Variants in ADAM32 observed in about 807,000 individuals in gnomAD.
ADAM32 encodes disintegrin and metalloproteinase domain-containing protein 32.
In ADAM32, 89 loss-of-function variants were observed where a neutral mutation model predicts 114.9. The ratio of observed to expected loss-of-function variants is 0.77; its 90% CI spans 0.65 to 0.92. ADAM32 has a LOEUF of 0.92. Ranked by LOEUF, ADAM32 falls within the 40% of genes least tolerant of loss-of-function variation. The pLI, the probability that ADAM32 is intolerant of heterozygous loss-of-function variation, is 0.00. For synonymous variants in ADAM32, 285 were observed against 307.5 expected, an observed-to-expected ratio of 0.93 and a Z score of 0.77; for missense variants, 870 against 932.8, an observed-to-expected ratio of 0.93 and a Z score of 0.88.
At chr8:39,229,270 A>C (rs1237671442) in intron 14 of ADAM32, among the ~76,000 whole-genome samples, 1 of 152,202 alleles carries the variant, frequency 6.6e-6, no homozygotes, top group Non-Finnish European at 1.5e-5. Flanking sequence ...ACAAAAATAT[A>C]AGTTAAAAAG....
At chr8:39,151,780 C>T (rs528481142) in intron 6 of ADAM32, among the ~76,000 whole-genome samples, 36 of 150,504 alleles carry the variant, frequency 2.4e-4, no homozygotes, top group African/African-American at 6.6e-4. Flanking sequence ...CCTCCCACCT[C>T]AATCTCCTGA....
chr8:39,283,445 A>C, intron 23 of ADAM32, 141 bp from the exon 24 acceptor site: 1 of 344,028 alleles, frequency 2.9e-6, no homozygotes, highest in Non-Finnish European at 5.3e-6. Context: ...AATGGAAAAG[A>C]GGTAGAAATT....
At chr8:39,226,466 C>T (rs184564174) in intron 14 of ADAM32, among the ~76,000 whole-genome samples, 1 of 151,478 alleles carries the variant, frequency 6.6e-6, no homozygotes, top group East Asian at 1.9e-4. Context: ...TTAATTTGAA[C>T]AAGACTACAC....
intron 17 of ADAM32, 87 bp downstream of exon 17, chr8:39,246,253 A>G: frequency 8.9e-7 from 1 of 1,122,804 alleles, no homozygotes; most frequent in Non-Finnish European, 1.3e-6. Context: ...TTGGGTCACT[A>G]CCATGTGACA....
intron 16 of ADAM32, among the ~76,000 whole-genome samples, chr8:39,242,995 CTATGAACACCTT>C (rs962532780): frequency 1.3e-5 from 2 of 152,090 alleles, no homozygotes; most frequent in Non-Finnish European, 2.9e-5. Context: ...TTGAAGGCTA[CTATGAACACCTT>C]TATGAACACA....
intron 2 of ADAM32, among the ~76,000 whole-genome samples, chr8:39,121,416 C>G (rs1840584069): frequency 6.6e-6 from 1 of 151,186 alleles, no homozygotes; most frequent in African/African-American, 2.4e-5. Flanking sequence ...CACATGGACA[C>G]AGGGAGGGGA....
intron 10 of ADAM32, among the ~76,000 whole-genome samples, chr8:39,173,405 C>T (rs902850398): frequency 5.9e-5 from 9 of 151,378 alleles, no homozygotes; most frequent in Non-Finnish European, 1.0e-4. Flanking sequence ...TTTTAATTTG[C>T]ATTTCTTTAA....
At chr8:39,120,029 C>T in intron 2 of ADAM32, among the ~76,000 whole-genome samples, 1 of 152,208 alleles carries the variant, frequency 6.6e-6, no homozygotes, top group African/African-American at 2.4e-5. Context: ...AACAAGAAGG[C>T]AGCTGTCTGC....
At chr8:39,139,187 C>T (rs1266049382) in intron 3 of ADAM32, among the ~76,000 whole-genome samples, 1 of 152,140 alleles carries the variant, frequency 6.6e-6, no homozygotes, top group East Asian at 1.9e-4. Context: ...TAGTTAGATT[C>T]CATCTGTCTA....
intron 13 of ADAM32, 49 bp downstream of exon 13, chr8:39,221,751 G>A (rs1305237568): frequency 7.1e-7 from 1 of 1,414,676 alleles, no homozygotes; most frequent in East Asian, 2.3e-5. Context: ...CAAATCATGT[G>A]CAGGGTACTT....
intron 11 of ADAM32, among the ~76,000 whole-genome samples, chr8:39,191,261 A>G (rs989325498): frequency 6.6e-6 from 1 of 152,198 alleles, no homozygotes; most frequent in Non-Finnish European, 1.5e-5. Flanking sequence ...TCCTTTGGGT[A>G]TATATCCAGT....
At chr8:39,201,736 C>T (rs1807429491) in intron 11 of ADAM32, among the ~76,000 whole-genome samples, 1 of 152,122 alleles carries the variant, frequency 6.6e-6, no homozygotes, top group Admixed American at 6.6e-5. Flanking sequence ...CCAGTTTTTG[C>T]CCATTCAGTA....
At chr8:39,208,314 C>G (rs963632146) in intron 11 of ADAM32, among the ~76,000 whole-genome samples, 1 of 152,108 alleles carries the variant, frequency 6.6e-6, no homozygotes, top group African/African-American at 2.4e-5. Flanking sequence ...CACTTTAACT[C>G]CCTTCTCCCC....
At chr8:39,111,048 G>T (rs1454537176) in intron 1 of ADAM32, among the ~76,000 whole-genome samples, 2 of 152,120 alleles carry the variant, frequency 1.3e-5, no homozygotes, top group Admixed American at 1.3e-4. Context: ...TTCAAGGTTC[G>T]TCTCTGTTGT....
intron 19 of ADAM32, among the ~76,000 whole-genome samples, chr8:39,261,034 A>T (rs1564708611): frequency 6.6e-6 from 1 of 152,288 alleles, no homozygotes; most frequent in Middle Eastern, 3.4e-3. Context: ...TAATTAGCAG[A>T]TATATCATCT....
At chr8:39,203,073 A>G (rs540151160) in intron 11 of ADAM32, among the ~76,000 whole-genome samples, 1 of 152,328 alleles carries the variant, frequency 6.6e-6, no homozygotes, top group East Asian at 1.9e-4. Context: ...ATTTTGGGAT[A>G]AGTGTGATGT....
intron 16 of ADAM32, among the ~76,000 whole-genome samples, chr8:39,237,989 G>A (rs1810295041): frequency 6.6e-6 from 1 of 152,204 alleles, no homozygotes; most frequent in Non-Finnish European, 1.5e-5. Flanking sequence ...CATTACAGCA[G>A]TTCATAACAG....
intron 12 of ADAM32, among the ~76,000 whole-genome samples, chr8:39,215,971 A>C (rs1808533748): frequency 6.6e-6 from 1 of 151,942 alleles, no homozygotes; most frequent in Non-Finnish European, 1.5e-5. Context: ...TCTGTCTGGA[A>C]GGTCTGCTGA....
At chr8:39,184,858 TAGGTCAAAGC>T (rs1390803748) in intron 10 of ADAM32, among the ~76,000 whole-genome samples, 3 of 152,238 alleles carry the variant, frequency 2.0e-5, no homozygotes, top group East Asian at 3.8e-4. Context: ...ATAATCCCTG[TAGGTCAAAGC>T]AGCTTTGATA....
Sources: gnomAD v4.1 joint callset for allele counts (sites outside exome capture counted in the v4.1 genomes callset) on GRCh38, gnomAD v4.1.1 for gene constraint, MANE v1.5 for transcripts, NCBI Gene and HGNC (gene_info 2026-07-23, HGNC 2026-07-21) for gene names.